The following CALCR variants were observed in gnomAD, a reference collection of about 807,000 sequenced individuals.
The protein encoded by CALCR is calcitonin receptor.
A neutral mutation model predicts 59.5 loss-of-function variants in CALCR; 47 were observed. The observed-to-expected ratio is 0.79, with a 90% CI of 0.63 to 1.01. The LOEUF is 1.01. Among genes scored for constraint, CALCR ranks in the 50% least tolerant of loss-of-function variants. The probability of loss-of-function intolerance (pLI) is 0.00; values close to 1 mark genes in which losing one functional copy is unlikely to be tolerated. For synonymous variants in CALCR, 213 were observed against 211.3 expected, an observed-to-expected ratio of 1.01 and a Z score of -0.07; for missense variants, 566 against 597.1, an observed-to-expected ratio of 0.95 and a Z score of 0.54.
At chr7:93,434,866 G>A (rs961950951) in intron 12 of CALCR, among the ~76,000 whole-genome samples, 2 of 152,124 alleles carry the variant, frequency 1.3e-5, no homozygotes, top group African/African-American at 4.8e-5. Flanking sequence ...CTATTCAAAC[G>A]ATCCCTAAAC....
At chr7:93,563,516 G>T (rs1789793843) in intron 2 of CALCR, among the ~76,000 whole-genome samples, 1 of 152,146 alleles carries the variant, frequency 6.6e-6, no homozygotes, top group South Asian at 2.1e-4. Flanking sequence ...TTATGAATGA[G>T]ATGTCAACCT....
intron 8 of CALCR, among the ~76,000 whole-genome samples, chr7:93,458,922 A>T (rs1800262249): frequency 6.6e-6 from 1 of 152,200 alleles, no homozygotes; most frequent in Non-Finnish European, 1.5e-5. Flanking sequence ...ATATCATTAA[A>T]CTATTTTGAA....
chr7:93,530,158 C>A (rs13223317), intron 2 of CALCR, among the ~76,000 whole-genome samples: 42,602 of 152,020 alleles, frequency 0.28, 7,110 homozygotes, highest in Non-Finnish European at 0.38. Flanking sequence ...ACATAATTGA[C>A]CCTTATTGTG....
chr7:93,511,520 T>C (rs1801545835), intron 2 of CALCR, among the ~76,000 whole-genome samples: 1 of 152,102 alleles, frequency 6.6e-6, no homozygotes, highest in South Asian at 2.1e-4. Context: ...TTATTGAACA[T>C]ATTGGTATAT....
At chr7:93,570,614 T>G (rs1391886729) in intron 2 of CALCR, among the ~76,000 whole-genome samples, 1 of 152,166 alleles carries the variant, frequency 6.6e-6, no homozygotes, top group Non-Finnish European at 1.5e-5. Context: ...ATATGCTATT[T>G]TTAAAAAATA....
chr7:93,477,267 T>G (rs1318475445), intron 5 of CALCR, among the ~76,000 whole-genome samples: 4 of 151,842 alleles, frequency 2.6e-5, no homozygotes, highest in African/African-American at 9.7e-5. Flanking sequence ...ATTGAAAAAT[T>G]TTTAAAACTC....
intron 2 of CALCR, among the ~76,000 whole-genome samples, chr7:93,506,509 A>C (rs1421168567): frequency 2.0e-5 from 3 of 152,122 alleles, no homozygotes; most frequent in Admixed American, 2.0e-4. Context: ...AAAAAGCAAC[A>C]ATCTCCTCAC....
intron 5 of CALCR, among the ~76,000 whole-genome samples, chr7:93,476,666 T>C (rs1340982317): frequency 2.6e-5 from 4 of 151,860 alleles, no homozygotes; most frequent in African/African-American, 9.7e-5. Flanking sequence ...ATTGTTACTT[T>C]GGAACTGGCC....
intron 2 of CALCR, among the ~76,000 whole-genome samples, chr7:93,491,480 T>G (rs1442285756): frequency 2.6e-5 from 4 of 152,044 alleles, no homozygotes; most frequent in Non-Finnish European, 5.9e-5. Context: ...ATCTACAGAA[T>G]GGGAGAAAAT....
At chr7:93,476,742 C>G (rs2115875569) in intron 5 of CALCR, among the ~76,000 whole-genome samples, 1 of 151,968 alleles carries the variant, frequency 6.6e-6, no homozygotes, top group South Asian at 2.1e-4. Context: ...GTTGTCAAAT[C>G]AAGATTAATG....
rs1405439265 is a variant in CALCR at position 93,426,471 on chromosome 7, T to C, written c.1310A>G (p.Asp437Gly). 2 of 1,613,856 alleles carry C rather than the reference T, an allele frequency of 1.2e-6. No individual in the cohort carries two copies. Among genetic ancestry groups the C allele is most frequent in the Non-Finnish European group, 1.7e-6 (2 of 1,179,788 alleles). ...RAAAAAAEAG[D>G]IPIYICHQEL... ...CTGATGGCAGATGTAAATTGGGATG[T>C]CGCCAGCCTCCGCAGCAGCGGCTGC... Residue 437 changes from aspartate (D) to glycine (G), a missense_variant, in exon 14 of 14, where the codon GAC becomes GGC. Physicochemically the swap from Asp to Gly is moderately conservative, Grantham distance 94 (BLOSUM62 -1). Transcript: ENST00000426151.
chr7:93,444,111 A>G lies in CALCR; in HGVS notation c.649-354T>C, dbSNP rs918268908. On this transcript the variant is annotated intron_variant, in intron 8 of 13. Coordinates refer to ENST00000426151, the MANE Select transcript of CALCR (RefSeq NM_001742.4). ...GCATGACTTTTATGGCCCCTTTTCT[A>G]TGGCCAGTGAAGCAAATAACGCAGA... Among the ~76,000 whole-genome samples the G allele has an allele frequency of 6.1e-4, 93 of 152,078 alleles. 1 individual carries two copies. The highest frequency in any genetic ancestry group is 6.1e-3 in the Admixed American group (93 of 15,258).
intron 2 of CALCR, among the ~76,000 whole-genome samples, chr7:93,521,729 A>G (rs1467337657): frequency 1.3e-5 from 2 of 152,208 alleles, no homozygotes; most frequent in Non-Finnish European, 2.9e-5. Context: ...ATGAAGATGC[A>G]TAGATATTGC....
chr7:93,542,886 C>T (rs1789180933), intron 2 of CALCR, among the ~76,000 whole-genome samples: 1 of 151,970 alleles, frequency 6.6e-6, no homozygotes, highest in Non-Finnish European at 1.5e-5. Flanking sequence ...ATGGAGTTGT[C>T]ATCTCCAATG....
At chr7:93,517,506 A>G (rs1761993161) in intron 2 of CALCR, among the ~76,000 whole-genome samples, 1 of 151,866 alleles carries the variant, frequency 6.6e-6, no homozygotes, top group African/African-American at 2.4e-5. Flanking sequence ...GGCCTTTTAA[A>G]TATAGCATTA....
intron 2 of CALCR, among the ~76,000 whole-genome samples, chr7:93,543,120 G>GTTTTTT (rs1789192048): frequency 6.6e-6 from 1 of 151,860 alleles, no homozygotes; most frequent in Non-Finnish European, 1.5e-5. Flanking sequence ...TTTGTTTTTT[G>GTTTTTT]TTTTGAGATA....
At chr7:93,545,791 T>C (rs1183288996) in intron 2 of CALCR, among the ~76,000 whole-genome samples, 1 of 152,086 alleles carries the variant, frequency 6.6e-6, no homozygotes, top group Non-Finnish European at 1.5e-5. Context: ...CCCTTTTTCA[T>C]CATCTGACAA....
intron 4 of CALCR, among the ~76,000 whole-genome samples, chr7:93,478,245 AAT>A (rs1209344884): frequency 6.6e-6 from 1 of 151,878 alleles, no homozygotes; most frequent in East Asian, 1.9e-4. Context: ...ACAGAAGAAT[AAT>A]ATGTATCTGC....
At position 93,532,838 on chromosome 7, in the gene CALCR, CAAAAAA is replaced by C. The variant is rs57128008; in HGVS notation, c.-27+41445_-27+41450del. ...TAGCCTTGATTCCTCATGTCCAAAG[CAAAAAA>C]AAAAAAAAAAAAAAAAAAATACTTA... On this transcript the variant is annotated intron_variant, in intron 2 of 13. Coordinates refer to ENST00000426151, the MANE Select transcript of CALCR (RefSeq NM_001742.4). Among the ~76,000 whole-genome samples the C allele has an allele frequency of 1.1e-4, 11 of 95,678 alleles. No homozygotes were observed. In the South Asian group the frequency reaches 2.0e-3, roughly 17 times the overall value. 62.8% of individuals were successfully genotyped at this position (95,678 alleles called of 152,430 possible).
Sources: allele counts gnomAD v4.1 joint callset (sites outside exome capture counted in the v4.1 genomes callset), GRCh38; gene constraint gnomAD v4.1.1; transcripts MANE v1.5; gene names NCBI Gene and HGNC (gene_info 2026-07-23, HGNC 2026-07-21).